Variants in ROCK1 observed in about 807,000 individuals in gnomAD.
ROCK1 encodes Rho associated coiled-coil containing protein kinase 1.
Under a neutral mutation model 196.8 loss-of-function variants are expected in ROCK1, and 36 were observed. That is an observed-to-expected ratio of 0.18 (90% CI 0.14 to 0.24). The LOEUF (loss-of-function observed/expected upper bound fraction) is 0.24. Among genes scored for constraint, ROCK1 ranks in the 10% least tolerant of loss-of-function variants. The probability of loss-of-function intolerance (pLI) is 1.00; values close to 1 mark genes in which losing one functional copy is unlikely to be tolerated. For missense variants in ROCK1, 920 were observed against 1,562.0 expected, an observed-to-expected ratio of 0.59 and a Z score of 6.93; for synonymous variants, 443 against 515.9, an observed-to-expected ratio of 0.86 and a Z score of 1.91.
intron 27 of ROCK1, among the ~76,000 whole-genome samples, chr18:20,961,711 C>G (rs1310571905): frequency 6.6e-6 from 1 of 152,076 alleles, no homozygotes; most frequent in South Asian, 2.1e-4. Context: ...TGTCTCCACA[C>G]CTTTGCTTGT....
At chr18:21,060,160 C>A (rs2036276591) in intron 2 of ROCK1, among the ~76,000 whole-genome samples, 1 of 152,166 alleles carries the variant, frequency 6.6e-6, no homozygotes, top group Non-Finnish European at 1.5e-5. Context: ...AAAAAGCTCA[C>A]TGAATTGTAT....
In ROCK1 at chr18:20,950,411, ATACT is replaced by A. The variant is rs1344165110; in HGVS notation, c.*969_*972del. The A allele has an allele frequency of 1.3e-5, 2 of 152,576 alleles. No homozygotes were observed. Among genetic ancestry groups the A allele is most frequent in the East Asian group, 1.9e-4 (1 of 5,204 alleles). 9.5% of individuals were successfully genotyped at this position (152,576 alleles called of 1,614,324 possible). A position where few individuals can be genotyped will look rare whatever the true frequency, so the allele number is the denominator to read the frequency against. On this transcript the variant is annotated 3_prime_UTR_variant, in exon 33 of 33. Coordinates refer to ENST00000399799, the MANE Select transcript of ROCK1 (RefSeq NM_005406.3). ...TGAAAATACATTTTTTGAAATTTCT[ATACT>A]TACTCATGGCAGTAAAATAATTATC...
At chr18:21,050,868 TTCTA>T (rs2036198294) in intron 2 of ROCK1, among the ~76,000 whole-genome samples, 1 of 152,192 alleles carries the variant, frequency 6.6e-6, no homozygotes, top group Non-Finnish European at 1.5e-5. Context: ...GCACAAATAT[TTCTA>T]TCTACCATAC....
chr18:21,064,055 A>G (rs1302862464), intron 2 of ROCK1, among the ~76,000 whole-genome samples: 1 of 152,172 alleles, frequency 6.6e-6, no homozygotes, highest in Non-Finnish European at 1.5e-5. Context: ...TCTTTATCTA[A>G]GTTTTTAAAA....
At chr18:21,028,697 C>A in intron 10 of ROCK1, 79 bp downstream of exon 10, 2 of 1,272,064 alleles carry the variant, frequency 1.6e-6, no homozygotes, top group South Asian at 3.1e-5. Context: ...AGCATTAAAT[C>A]TACTTTAAAA....
chr18:20,966,927 A>C lies in ROCK1; in HGVS notation c.3342T>G (p.Gly1114=), dbSNP rs16977695. Residue 1114 remains glycine, a synonymous_variant, in exon 27 of 33, where the codon GGT becomes GGG. Coordinates refer to ENST00000399799, the MANE Select transcript of ROCK1 (RefSeq NM_005406.3). ...ASFPSADETD[G]NLPESRIEGW... Reference sequence around the variant, plus strand: ...CAGAATTATTCTTACCTGGGAGGTTACCATCAGTTTCATCAGCACTAGGAA... The same window carrying C: ...CAGAATTATTCTTACCTGGGAGGTTCCCATCAGTTTCATCAGCACTAGGAA... 3 of 1,611,140 alleles carry C rather than the reference A, an allele frequency of 1.9e-6. No individual in the cohort carries two copies. Among genetic ancestry groups the C allele is most frequent in the Non-Finnish European group, 2.5e-6 (3 of 1,178,144 alleles).
chr18:21,046,190 A>G (rs565309385), intron 4 of ROCK1, among the ~76,000 whole-genome samples: 6 of 152,202 alleles, frequency 3.9e-5, no homozygotes, highest in East Asian at 3.9e-4. Flanking sequence ...GATTACAGGC[A>G]TGAGCCACTG....
intron 1 of ROCK1, among the ~76,000 whole-genome samples, chr18:21,092,034 G>A (rs991631432): frequency 2.0e-5 from 3 of 152,122 alleles, no homozygotes; most frequent in Admixed American, 2.0e-4. Context: ...AAAGTTACAT[G>A]CAGATTTTCA....
intron 29 of ROCK1, among the ~76,000 whole-genome samples, chr18:20,958,802 G>A (rs868366259): frequency 3.5e-4 from 50 of 144,094 alleles, no homozygotes; most frequent in Middle Eastern, 3.8e-3. Flanking sequence ...GTATAAATGC[G>A]ATGTAAACAG....
At chr18:21,086,914 A>C (rs1200029482) in intron 1 of ROCK1, among the ~76,000 whole-genome samples, 1 of 152,178 alleles carries the variant, frequency 6.6e-6, no homozygotes, top group Non-Finnish European at 1.5e-5. Flanking sequence ...GAAAAGAAGA[A>C]CAAAATGTAA....
At chr18:21,054,706 T>A (rs928839280) in intron 2 of ROCK1, among the ~76,000 whole-genome samples, 11 of 152,178 alleles carry the variant, frequency 7.2e-5, no homozygotes, top group Non-Finnish European at 2.9e-5. Flanking sequence ...CTGTTTTAAT[T>A]CTTAATAACT....
At chr18:20,977,728 C>T (rs1287140924) in intron 22 of ROCK1, among the ~76,000 whole-genome samples, 1 of 152,002 alleles carries the variant, frequency 6.6e-6, no homozygotes, top group African/African-American at 2.4e-5. Flanking sequence ...ATATTTGGCA[C>T]TTTTAATCAC....
At chr18:20,998,105 G>A (rs2035688895) in intron 16 of ROCK1, among the ~76,000 whole-genome samples, 2 of 152,052 alleles carry the variant, frequency 1.3e-5, no homozygotes, top group South Asian at 4.1e-4. Context: ...CCAAAGTGCT[G>A]GGATGACAGG....
intron 2 of ROCK1, among the ~76,000 whole-genome samples, chr18:21,068,693 A>G (rs1161277062): frequency 6.6e-6 from 1 of 152,038 alleles, no homozygotes; most frequent in East Asian, 1.9e-4. Context: ...TGTCAAATTT[A>G]CTCCTAAATT....
At chr18:21,073,835 A>G (rs182529397) in intron 1 of ROCK1, among the ~76,000 whole-genome samples, 8 of 152,254 alleles carry the variant, frequency 5.3e-5, no homozygotes, top group African/African-American at 1.9e-4. Flanking sequence ...TGTTTTTGGT[A>G]TATGTAGTAG....
At chr18:21,018,278 C>T (rs1272391342) in intron 12 of ROCK1, among the ~76,000 whole-genome samples, 1 of 151,872 alleles carries the variant, frequency 6.6e-6, no homozygotes, top group East Asian at 1.9e-4. Context: ...GCCTGCAATC[C>T]CAACACTTCG....
intron 10 of ROCK1, among the ~76,000 whole-genome samples, chr18:21,026,671 T>A (rs573007284): frequency 2.0e-5 from 3 of 152,076 alleles, no homozygotes; most frequent in African/African-American, 7.2e-5. Context: ...CTAAATTGTC[T>A]TTTTGTTTTC....
At chr18:20,960,104 T>C in intron 28 of ROCK1, 32 bp downstream of exon 28, 1 of 1,389,420 alleles carries the variant, frequency 7.2e-7, no homozygotes, top group Non-Finnish European at 1.0e-6. Flanking sequence ...TAGAACAAAA[T>C]ACCAGTTAGA....
intron 11 of ROCK1, among the ~76,000 whole-genome samples, chr18:21,022,327 A>G (rs551608377): frequency 2.6e-5 from 4 of 152,322 alleles, no homozygotes; most frequent in Middle Eastern, 3.4e-3. Flanking sequence ...TGAGCTATAT[A>G]AACAACAGAA....
Sources: gnomAD v4.1 joint callset for allele counts (sites outside exome capture counted in the v4.1 genomes callset) on GRCh38, gnomAD v4.1.1 for gene constraint, MANE v1.5 for transcripts, NCBI Gene and HGNC (gene_info 2026-07-23, HGNC 2026-07-21) for gene names.